Variants in NR3C2 observed in about 807,000 individuals in gnomAD.
The protein encoded by NR3C2 is mineralocorticoid receptor.
In NR3C2, 15 loss-of-function variants were observed where a neutral mutation model predicts 86.4. That is an observed-to-expected ratio of 0.17 (90% CI 0.12 to 0.27). NR3C2 has a LOEUF of 0.27. Ranked by LOEUF, NR3C2 falls within the 10% of genes least tolerant of loss-of-function variation. The pLI is 1.00. For synonymous variants in NR3C2, 458 were observed against 450.5 expected, an observed-to-expected ratio of 1.02 and a Z score of -0.21; for missense variants, 960 against 1,195.6, an observed-to-expected ratio of 0.80 and a Z score of 2.91.
chr4:148,083,848 AAC>A (rs1209768949), intron 8 of NR3C2, among the ~76,000 whole-genome samples: 10 of 152,182 alleles, frequency 6.6e-5, no homozygotes, highest in Non-Finnish European at 1.0e-4. Flanking sequence ...GGAGCTGAAA[AAC>A]ACAGCACAAG....
At chr4:148,273,467 G>A (rs901122145) in intron 2 of NR3C2, among the ~76,000 whole-genome samples, 1 of 152,090 alleles carries the variant, frequency 6.6e-6, no homozygotes, top group African/African-American at 2.4e-5. Flanking sequence ...GATTATGGTC[G>A]CTAAATTTTT....
chr4:148,084,698 A>C (rs1474553781), intron 8 of NR3C2, among the ~76,000 whole-genome samples: 1 of 152,340 alleles, frequency 6.6e-6, no homozygotes, highest in Middle Eastern at 3.4e-3. Context: ...TAAATCCCCC[A>C]GTTAAAAGAC....
chr4:148,401,160 G>A (rs1748140465), intron 2 of NR3C2, among the ~76,000 whole-genome samples: 2 of 152,146 alleles, frequency 1.3e-5, no homozygotes. Flanking sequence ...GAGACTCACA[G>A]TATACCCACC....
intron 2 of NR3C2, among the ~76,000 whole-genome samples, chr4:148,298,547 T>C (rs1389417693): frequency 1.3e-5 from 2 of 152,190 alleles, no homozygotes; most frequent in Non-Finnish European, 2.9e-5. Flanking sequence ...ACAGCTAAAT[T>C]AAAAATCAAT....
At position 148,363,506 on chromosome 4, in the gene NR3C2, C is replaced by CTTTTT. The variant is rs58978966; in HGVS notation, c.1757+71593_1757+71597dup. On this transcript the variant is annotated intron_variant, in intron 2 of 8. Coordinates refer to ENST00000358102, the MANE Select transcript of NR3C2 (RefSeq NM_000901.5). ...TAAAGTCTAGACTTCTCATAGATCT[C>CTTTTT]TTTTTTTTTTTTTTTGAGACGGAGT... Among the ~76,000 whole-genome samples the CTTTTT allele has an allele frequency of 2.5e-3, 273 of 110,754 alleles. 20 individuals are homozygous for CTTTTT. Among genetic ancestry groups the CTTTTT allele is most frequent in the Admixed American group, 9.1e-3 (81 of 8,928 alleles). 72.7% of individuals were successfully genotyped at this position (110,754 alleles called of 152,430 possible). A position where few individuals can be genotyped will look rare whatever the true frequency, so the allele number is the denominator to read the frequency against.
At chr4:148,363,757 C>A (rs1745972615) in intron 2 of NR3C2, among the ~76,000 whole-genome samples, 1 of 152,082 alleles carries the variant, frequency 6.6e-6, no homozygotes, top group South Asian at 2.1e-4. Flanking sequence ...CCCGCCTTGG[C>A]CTCCCAAAGT....
intron 2 of NR3C2, among the ~76,000 whole-genome samples, chr4:148,367,659 A>C (rs976209356): frequency 3.3e-5 from 5 of 152,146 alleles, no homozygotes; most frequent in African/African-American, 4.8e-5. Flanking sequence ...AAAATCACAA[A>C]GGCAAGTGTA....
chr4:148,204,099 T>A (rs1736877706), intron 3 of NR3C2, among the ~76,000 whole-genome samples: 1 of 152,238 alleles, frequency 6.6e-6, no homozygotes, highest in African/African-American at 2.4e-5. Flanking sequence ...TTTCATTTTT[T>A]AAAATGTACT....
chr4:148,292,555 T>G (rs988939760), intron 2 of NR3C2, among the ~76,000 whole-genome samples: 1 of 152,106 alleles, frequency 6.6e-6, no homozygotes, highest in African/African-American at 2.4e-5. Context: ...GACTTACATA[T>G]GAAAGAAAAC....
intron 4 of NR3C2, among the ~76,000 whole-genome samples, chr4:148,175,633 T>C (rs1735339649): frequency 6.6e-6 from 1 of 152,252 alleles, no homozygotes; most frequent in Admixed American, 6.5e-5. Flanking sequence ...ATTATATATC[T>C]AATTAACATA....
intron 3 of NR3C2, among the ~76,000 whole-genome samples, chr4:148,250,544 C>G (rs1739527127): frequency 6.6e-6 from 1 of 152,146 alleles, no homozygotes; most frequent in Non-Finnish European, 1.5e-5. Context: ...TACACTGCAC[C>G]AAATGACCCC....
intron 2 of NR3C2, among the ~76,000 whole-genome samples, chr4:148,295,362 A>T (rs1236271213): frequency 6.6e-6 from 1 of 151,942 alleles, no homozygotes; most frequent in Non-Finnish European, 1.5e-5. Flanking sequence ...CAAAAGCCAC[A>T]GCCAGCCCTG....
Position 148,436,168 on chromosome 4 carries a change from C to T in NR3C2, c.693G>A (p.Gln231=), listed in dbSNP as rs774333871. 10 of 1,614,130 alleles carry T rather than the reference C, an allele frequency of 6.2e-6. No individual in the cohort carries two copies. The East Asian group carries it at 2.0e-4, about 32-fold the overall frequency. The change falls in exon 2 of 9, where the codon CAG becomes CAA. Residue 231 remains glutamine (Q), a synonymous_variant. Coordinates refer to ENST00000358102, the MANE Select transcript of NR3C2 (RefSeq NM_000901.5). ...GSFPVHSPIT[Q]GTPLTCSPNV... ...TAGGGGAGCATGTCAGAGGAGTTCC[C>T]TGGGTGATTGGGCTGTGCACTGGAA... is the stretch of plus-strand genomic sequence containing the variant.
chr4:148,143,393 C>T (rs559427968), intron 6 of NR3C2, among the ~76,000 whole-genome samples: 1 of 152,326 alleles, frequency 6.6e-6, no homozygotes, highest in African/African-American at 2.4e-5. Context: ...AGCAGCACTG[C>T]AGGCAGGACT....
At chr4:148,425,948 T>G (rs919484432) in intron 2 of NR3C2, among the ~76,000 whole-genome samples, 5 of 152,182 alleles carry the variant, frequency 3.3e-5, no homozygotes, top group Non-Finnish European at 5.9e-5. Context: ...TATTTAACTC[T>G]GAGGCTGACT....
rs1303002524 is a variant in NR3C2 at position 148,289,251 on chromosome 4, C to T, written c.1758-29134G>A. Among the ~76,000 whole-genome samples the T allele has an allele frequency of 9.1e-5, 11 of 121,380 alleles. No individual in the cohort carries two copies. The East Asian group carries it at 2.1e-3, about 23-fold the overall frequency. The allele number at this position is 121,380 out of a possible 152,430, so 79.6% of individuals were successfully genotyped here. Reference sequence around the variant, plus strand: ...AAGTAAAAAAGTCACAATGTCTGAACTTTACTTTTAATATTTACAGCCAAA... The same window carrying T: ...AAGTAAAAAAGTCACAATGTCTGAATTTTACTTTTAATATTTACAGCCAAA... On this transcript the variant is annotated intron_variant, in intron 2 of 8. Coordinates refer to ENST00000358102, the MANE Select transcript of NR3C2 (RefSeq NM_000901.5).
intron 2 of NR3C2, among the ~76,000 whole-genome samples, chr4:148,265,520 T>A (rs1175892351): frequency 6.6e-6 from 1 of 152,230 alleles, no homozygotes; most frequent in Admixed American, 6.5e-5. Context: ...AGTAATTTCA[T>A]AACAAAACAG....
intron 2 of NR3C2, among the ~76,000 whole-genome samples, chr4:148,433,375 A>G (rs973575103): frequency 1.3e-5 from 2 of 152,214 alleles, no homozygotes; most frequent in African/African-American, 4.8e-5. Context: ...GAGTTTAATC[A>G]TAAGAGATTA....
chr4:148,290,532 C>T (rs1469026437), intron 2 of NR3C2, among the ~76,000 whole-genome samples: 1 of 152,104 alleles, frequency 6.6e-6, no homozygotes, highest in Non-Finnish European at 1.5e-5. Flanking sequence ...ATATAATGTA[C>T]CAGGTAAAAC....
Sources: gnomAD v4.1 joint callset for allele counts (sites outside exome capture counted in the v4.1 genomes callset) on GRCh38, gnomAD v4.1.1 for gene constraint, MANE v1.5 for transcripts, NCBI Gene and HGNC (gene_info 2026-07-23, HGNC 2026-07-21) for gene names.